FHIP1A: variants seen among roughly 807,000 people sequenced by gnomAD.
The protein encoded by FHIP1A is FHF complex subunit HOOK-interacting protein 1A.
In FHIP1A, 61 loss-of-function variants were observed where a neutral mutation model predicts 88.6. The ratio of observed to expected loss-of-function variants is 0.69; its 90% CI spans 0.56 to 0.85. The LOEUF (loss-of-function observed/expected upper bound fraction) is 0.85. Ranked by LOEUF, FHIP1A falls within the 40% of genes least tolerant of loss-of-function variation. The pLI is 0.00. For synonymous variants in FHIP1A, 478 were observed against 496.0 expected (o/e 0.96, Z 0.48); for missense variants, 1,154 against 1,273.5 (o/e 0.91, Z 1.43).
chr4:151,619,486 A>G lies in FHIP1A; in HGVS notation c.979-10216A>G, dbSNP rs140044432. 7.7e-4 allele frequency among the ~76,000 whole-genome samples: 118 copies of G among 152,352 alleles called. 1 individual carries two copies. In the East Asian group the frequency reaches 0.021, roughly 27 times the overall value. ...ATATCAGAGTGCATTGCACTTAGTAATGGTGAGTACTAGATATTATTGTAA... is the reference window on the plus strand; with the variant it reads ...ATATCAGAGTGCATTGCACTTAGTAGTGGTGAGTACTAGATATTATTGTAA... On this transcript the variant is annotated intron_variant, in intron 7 of 13. Transcript: ENST00000435205.
rs1298644709 is a variant in FHIP1A, at chr4:151,656,283, CTT to C, written c.2605_2606del (p.Leu869ThrfsTer3). On this transcript the variant is annotated frameshift_variant, in exon 12 of 14. Coordinates refer to ENST00000435205, the MANE Select transcript of FHIP1A (RefSeq NM_001109977.3). LOFTEE classifies it high-confidence loss of function. This position sits in a 1 kb window ranked among gnomAD's most constrained non-coding sequence, Gnocchi z 4.2. ...AAGCTGGAGAACATGCTGGAGAACT[CTT>C]TACATGTTAATTTGCTGCTTATCGG... 6.4e-7 allele frequency: 1 copy of C among 1,551,592 alleles called. No individual in the cohort carries two copies.
At chr4:151,527,649 CA>C (rs1731729290) in intron 3 of FHIP1A, among the ~76,000 whole-genome samples, 1 of 152,126 alleles carries the variant, frequency 6.6e-6, no homozygotes, top group Non-Finnish European at 1.5e-5. Context: ...ATTGGTAACA[CA>C]GGGGCTGAGA....
chr4:151,498,209 A>G (rs184291180), intron 3 of FHIP1A, among the ~76,000 whole-genome samples: 12 of 152,300 alleles, frequency 7.9e-5, no homozygotes, highest in Admixed American at 6.5e-4. Context: ...TTGTCAGACT[A>G]ATTGTTTCTT....
chr4:151,496,345 G>A (rs1048976897), intron 3 of FHIP1A, among the ~76,000 whole-genome samples: 16 of 151,670 alleles, frequency 1.1e-4, no homozygotes, highest in South Asian at 8.3e-4. Context: ...ACTCATATTC[G>A]GTAGCTTTGT....
At chr4:151,545,261 A>G (rs946654379) in intron 3 of FHIP1A, among the ~76,000 whole-genome samples, 6 of 152,196 alleles carry the variant, frequency 3.9e-5, no homozygotes, top group African/African-American at 1.4e-4. Context: ...TAATTAAGCC[A>G]TAAAAAACTA....
chr4:151,587,722 A>G (rs1734274008), intron 6 of FHIP1A, among the ~76,000 whole-genome samples: 1 of 152,178 alleles, frequency 6.6e-6, no homozygotes, highest in East Asian at 1.9e-4. Flanking sequence ...CTACCAAATA[A>G]AGAAATAGCT....
chr4:151,502,680 G>A (rs999818063), intron 3 of FHIP1A, among the ~76,000 whole-genome samples: 3 of 152,094 alleles, frequency 2.0e-5, no homozygotes, highest in African/African-American at 7.2e-5. Context: ...AAGAGAAAGG[G>A]GCAATGTGCT....
intron 8 of FHIP1A, among the ~76,000 whole-genome samples, chr4:151,637,278 A>G (rs1736390272): frequency 6.6e-6 from 1 of 152,198 alleles, no homozygotes; most frequent in Non-Finnish European, 1.5e-5. Flanking sequence ...TGACACCAAA[A>G]GCATGAACAA....
chr4:151,528,850 G>A (rs909014959), intron 3 of FHIP1A, among the ~76,000 whole-genome samples: 9 of 152,134 alleles, frequency 5.9e-5, no homozygotes, highest in South Asian at 2.1e-4. Context: ...TTCAGCTGAG[G>A]CTACAAATTG....
In FHIP1A at chr4:151,665,099, C is replaced by T. The variant is rs555306766; in HGVS notation, c.*2345C>T. On this transcript the variant is annotated 3_prime_UTR_variant, in exon 14 of 14. Transcript: ENST00000435205. ...AAGTGATCCTCCCACCTCAGCCTTCCGAGTAGCTGGGAATATAGGAACGTG... is the reference window on the plus strand; with the variant it reads ...AAGTGATCCTCCCACCTCAGCCTTCTGAGTAGCTGGGAATATAGGAACGTG... Among the ~76,000 whole-genome samples the T allele has an allele frequency of 6.6e-5, 10 of 152,236 alleles. No individual in the cohort carries two copies. Among genetic ancestry groups the T allele is most frequent in the Admixed American group, 2.6e-4 (4 of 15,284 alleles).
intron 3 of FHIP1A, among the ~76,000 whole-genome samples, chr4:151,541,837 G>A (rs1256276460): frequency 1.3e-5 from 2 of 152,174 alleles, no homozygotes; most frequent in Non-Finnish European, 2.9e-5. Flanking sequence ...AGATGTTCAT[G>A]CTCCATGATT....
chr4:151,518,955 G>A (rs1488926255), intron 3 of FHIP1A, among the ~76,000 whole-genome samples: 4 of 151,856 alleles, frequency 2.6e-5, no homozygotes, highest in East Asian at 1.9e-4. Flanking sequence ...CCAAAGGCTC[G>A]AGCCACCGCA....
chr4:151,464,097 C>A (rs575098260), intron 2 of FHIP1A, among the ~76,000 whole-genome samples: 2 of 152,262 alleles, frequency 1.3e-5, no homozygotes, highest in East Asian at 1.9e-4. Context: ...GTTGCCCAGG[C>A]TGGACTTGAA....
At position 151,586,718 on chromosome 4, in the gene FHIP1A, C is replaced by A; in HGVS notation, c.810C>A (p.Cys270Ter). The change falls in exon 6 of 14, where the codon TGC becomes TGA. Residue 270 changes from cysteine to a stop codon, truncating the protein, a stop_gained. Transcript: ENST00000435205. LOFTEE classifies it high-confidence loss of function. The stretch of plus-strand genomic sequence containing the variant: ...AAGAGAAAGGCGAGGAATGGCACTG[C>A]CTTCTGAAAGATGACTGGCTTCTAC... ...KLEEKGEEWHCLLKDDWLLLP... is the reference protein window; with the variant it reads ...KLEEKGEEWH 6.4e-7 allele frequency: 1 copy of A among 1,551,356 alleles called. No homozygotes were observed. The highest frequency in any genetic ancestry group is 8.7e-7 in the Non-Finnish European group (1 of 1,146,764).
intron 3 of FHIP1A, among the ~76,000 whole-genome samples, chr4:151,543,119 T>A (rs1732360163): frequency 6.6e-6 from 1 of 152,196 alleles, no homozygotes; most frequent in Non-Finnish European, 1.5e-5. Flanking sequence ...AATAACTCCA[T>A]GAAGAAAGAA....
intron 13 of FHIP1A, among the ~76,000 whole-genome samples, chr4:151,658,711 A>G (rs973828299): frequency 6.6e-6 from 1 of 152,222 alleles, no homozygotes; most frequent in African/African-American, 2.4e-5. Flanking sequence ...GGCATTCTGC[A>G]GTCTCCTAGA....
intron 1 of FHIP1A, among the ~76,000 whole-genome samples, chr4:151,414,173 C>G (rs1293049681): frequency 1.3e-5 from 2 of 152,094 alleles, no homozygotes; most frequent in Non-Finnish European, 2.9e-5. Flanking sequence ...GCCTTAGCCT[C>G]CCGAGTAGCT....
chr4:151,577,395 T>C, intron 4 of FHIP1A, 55 bp from the exon 5 acceptor site: 1 of 1,460,224 alleles, frequency 6.8e-7, no homozygotes, highest in South Asian at 1.5e-5. Context: ...TGGTGATATG[T>C]TTTTGTAATT....
In FHIP1A at chr4:151,586,757, C is replaced by T; in HGVS notation, c.849C>T (p.Val283=). 1 of 1,551,258 alleles carries T rather than the reference C, an allele frequency of 6.4e-7. No individual in the cohort carries two copies. Among genetic ancestry groups the T allele is most frequent in the Non-Finnish European group, 8.7e-7 (1 of 1,146,660 alleles). Residue 283 remains valine (V), a synonymous_variant, in exon 6 of 14, where the codon GTC becomes GTT. Coordinates refer to ENST00000435205, the MANE Select transcript of FHIP1A (RefSeq NM_001109977.3). ...KDDWLLLPSL[V]QFMNSLEFCN... is the part of the protein sequence containing the mutation. ...ACTGGCTTCTACTTCCTTCTCTTGTCCAGTTCATGAACTCCCTGGAGTTTT... is the reference window on the plus strand; with the variant it reads ...ACTGGCTTCTACTTCCTTCTCTTGTTCAGTTCATGAACTCCCTGGAGTTTT...
Sources: gnomAD v4.1 joint callset for allele counts (sites outside exome capture counted in the v4.1 genomes callset) on GRCh38, gnomAD v4.1.1 for gene constraint, Gnocchi (gnomAD v3.1) non-coding constraint, MANE v1.5 for transcripts, NCBI Gene and HGNC (gene_info 2026-07-23, HGNC 2026-07-21) for gene names.